The following KLHDC4 variants were observed in gnomAD, a reference collection of about 807,000 sequenced individuals.
The protein encoded by KLHDC4 is kelch domain containing 4.
KLHDC4 carries 90 observed loss-of-function variants against 62.4 expected under a neutral mutation model. The observed-to-expected ratio is 1.44, with a 90% confidence interval of 1.22 to 1.72. The LOEUF (loss-of-function observed/expected upper bound fraction) is 1.72, where lower values mean the gene tolerates loss of function less well. Among genes scored for constraint, KLHDC4 ranks in the 40% most tolerant of loss-of-function variants. The pLI, the probability that KLHDC4 is intolerant of heterozygous loss-of-function variation, is 0.00. For synonymous variants in KLHDC4, 386 were observed against 284.4 expected (o/e 1.36, Z -3.59); for missense variants, 1,025 against 699.7 (o/e 1.47, Z -5.25).
intron 5 of KLHDC4, among the ~76,000 whole-genome samples, chr16:87,733,922 T>A (rs561252994): frequency 2.2e-4 from 33 of 152,376 alleles, no homozygotes; most frequent in Admixed American, 3.9e-4. Flanking sequence ...ACAGCTTCAA[T>A]CACGCAAGTC....
In KLHDC4 at chr16:87,708,015, C is replaced by T. The variant is rs867003221; in HGVS notation, c.*62G>A. 32 of 495,440 alleles carry T rather than the reference C, an allele frequency of 6.5e-5. No individual in the cohort carries two copies. The highest frequency in any genetic ancestry group is 3.1e-4 in the African/African-American group (16 of 51,790). The allele number at this position is 495,440 out of a possible 1,614,324, so 30.7% of individuals were successfully genotyped here. On this transcript the variant is annotated 3_prime_UTR_variant, in exon 12 of 12. Transcript: ENST00000270583. ...CTGGCCCCAAGAGCTTCACTCAACA[C>T]GGCTGGGTCCTGGGCGGACGTGGGC...
intron 5 of KLHDC4, among the ~76,000 whole-genome samples, chr16:87,734,238 G>A (rs943607428): frequency 2.0e-5 from 3 of 151,422 alleles, no homozygotes; most frequent in Non-Finnish European, 4.4e-5. Flanking sequence ...CAGCTACTCA[G>A]GAGGCTGAGG....
intron 7 of KLHDC4, among the ~76,000 whole-genome samples, chr16:87,724,760 A>G (rs1208128602): frequency 1.3e-5 from 2 of 152,126 alleles, no homozygotes; most frequent in African/African-American, 2.4e-5. Context: ...TCGGGAAGAG[A>G]GCTGACCATT....
intron 2 of KLHDC4, 136 bp from the exon 3 acceptor site, chr16:87,756,613 G>T: frequency 1.6e-6 from 1 of 610,994 alleles, no homozygotes; most frequent in Admixed American, 2.8e-5. Context: ...CTGGCATCGA[G>T]AAAGGAAGCA....
At chr16:87,735,007 C>T (rs1351582588) in intron 5 of KLHDC4, among the ~76,000 whole-genome samples, 14 of 143,076 alleles carry the variant, frequency 9.8e-5, no homozygotes, top group Admixed American at 5.5e-4. Flanking sequence ...GACGCCCCTC[C>T]CCCTCCTGAC....
At position 87,765,749 on chromosome 16, in the gene KLHDC4, C is replaced by T. The variant is rs1384027484; in HGVS notation, c.99+43G>A. The T allele has an allele frequency of 3.3e-6, 5 of 1,532,336 alleles. No individual in the cohort carries two copies. In the Admixed American group the frequency reaches 5.9e-5, roughly 18 times the overall value. 94.9% of individuals were successfully genotyped at this position (1,532,336 alleles called of 1,614,324 possible). On this transcript the variant is annotated intron_variant, in intron 1 of 11. Transcript: ENST00000270583. ...GCGCAGGGAGTCGGCCGAGGCTGCA[C>T]GGCCGCGACGTCGGGCCGCTAAGCC...
chr16:87,739,587 C>T (rs2041932804), intron 5 of KLHDC4, among the ~76,000 whole-genome samples: 1 of 151,686 alleles, frequency 6.6e-6, no homozygotes, highest in Admixed American at 6.6e-5. Context: ...CATCCATCCA[C>T]ACACCAGCAC....
intron 4 of KLHDC4, among the ~76,000 whole-genome samples, chr16:87,750,704 C>T (rs1049597432): frequency 2.0e-5 from 3 of 152,196 alleles, no homozygotes; most frequent in Admixed American, 6.5e-5. Flanking sequence ...GTGTTCCGCC[C>T]GCCCGCACAT....
intron 4 of KLHDC4, among the ~76,000 whole-genome samples, chr16:87,752,994 C>G (rs1438550033): frequency 6.6e-6 from 1 of 152,226 alleles, no homozygotes; most frequent in Non-Finnish European, 1.5e-5. Context: ...ACACGCCACG[C>G]AGCCCTGACC....
chr16:87,722,965 G>C (rs1263850410), intron 7 of KLHDC4, among the ~76,000 whole-genome samples: 1 of 152,214 alleles, frequency 6.6e-6, no homozygotes, highest in East Asian at 1.9e-4. Flanking sequence ...GTGGGAGAGA[G>C]GCGTGTGCCC....
At chr16:87,752,105 A>AAAAAAAAAAAAAAAAAAAAAAC (rs2044081771) in intron 4 of KLHDC4, among the ~76,000 whole-genome samples, 1 of 126,004 alleles carries the variant, frequency 7.9e-6, no homozygotes, top group Non-Finnish European at 1.7e-5. Flanking sequence ...AAAAAAAAAA[A>AAAAAAAAAAAAAAAAAAAAAAC]AAAAAAAAAG....
In KLHDC4 at chr16:87,711,457, A is replaced by G. The variant is rs1567660994; in HGVS notation, c.836-14T>C. ...AAACCCACTTGTCTGTCAAAAGAGA[A>G]CAAGGAAGTGGGATAAGAACACAAG... is the stretch of plus-strand genomic sequence containing the variant. On this transcript the variant is annotated splice_polypyrimidine_tract_variant and intron_variant, in intron 8 of 11. Coordinates refer to ENST00000270583, the MANE Select transcript of KLHDC4 (RefSeq NM_017566.4). 6.3e-7 allele frequency: 1 copy of G among 1,599,872 alleles called. No individual in the cohort carries two copies. The highest frequency in any genetic ancestry group is 1.7e-4 in the Middle Eastern group (1 of 5,998).
chr16:87,719,915 G>A (rs1336667561), intron 7 of KLHDC4, among the ~76,000 whole-genome samples: 4 of 152,176 alleles, frequency 2.6e-5, no homozygotes, highest in South Asian at 4.1e-4. Flanking sequence ...CGCATCGGCC[G>A]CACACGCCAA....
chr16:87,740,010 C>T (rs1289121824), intron 5 of KLHDC4: 1 of 152,222 alleles, frequency 6.6e-6, no homozygotes, highest in Non-Finnish European at 1.5e-5. Flanking sequence ...TGTTATGAAA[C>T]ACCTATCGGG....
chr16:87,698,734 C>CTGCTGGGGTGATTAAGG (rs1567625356), exon 1 of KLHDC4: 1 of 152,276 alleles, frequency 6.6e-6, no homozygotes, highest in Non-Finnish European at 1.5e-5. Flanking sequence ...GGTGATTAAG[C>CTGCTGGGGTGATTAAGG]AGAAGGCTGC....
At chr16:87,715,589 T>G (rs1597423114) in intron 7 of KLHDC4, among the ~76,000 whole-genome samples, 1 of 152,176 alleles carries the variant, frequency 6.6e-6, no homozygotes, top group African/African-American at 2.4e-5. Context: ...GATAGCTGTG[T>G]GGATGGCTCA....
chr16:87,701,043 A>G (rs2034121283), exon 1 of KLHDC4: 1 of 209,566 alleles, frequency 4.8e-6, no homozygotes, highest in Admixed American at 5.7e-5. Context: ...CCTTCAAAAC[A>G]AGCAAGGAAG....
chr16:87,738,140 C>T (rs2041658068), intron 5 of KLHDC4, among the ~76,000 whole-genome samples: 2 of 152,150 alleles, frequency 1.3e-5, no homozygotes, highest in Admixed American at 6.5e-5. Flanking sequence ...CCTATGGTGA[C>T]CTGTACTTCA....
intron 7 of KLHDC4, among the ~76,000 whole-genome samples, chr16:87,715,709 T>C (rs1428731370): frequency 6.6e-6 from 1 of 152,144 alleles, no homozygotes; most frequent in Non-Finnish European, 1.5e-5. Flanking sequence ...TCTCATCACA[T>C]CCCATCAAGG....
Sources: allele counts gnomAD v4.1 joint callset (sites outside exome capture counted in the v4.1 genomes callset), GRCh38; gene constraint gnomAD v4.1.1; transcripts MANE v1.5; gene names NCBI Gene and HGNC (gene_info 2026-07-23, HGNC 2026-07-21).